SLC4A7: variants seen among roughly 807,000 people sequenced by gnomAD.
SLC4A7 encodes the protein solute carrier family 4 member 7.
A neutral mutation model predicts 137.6 loss-of-function variants in SLC4A7; 51 were observed. That is an observed-to-expected ratio of 0.37 (90% CI 0.30 to 0.47). The LOEUF is 0.47. Ranked by LOEUF, SLC4A7 falls within the 20% of genes least tolerant of loss-of-function variation. The probability of loss-of-function intolerance (pLI) is 1.00; values close to 1 mark genes in which losing one functional copy is unlikely to be tolerated. For missense variants in SLC4A7, 1,247 were observed against 1,525.4 expected (o/e 0.82, Z 3.04); for synonymous variants, 542 against 518.6 (o/e 1.05, Z -0.61).
rs959669191 is a variant in SLC4A7 at position 27,443,757 on chromosome 3, A to C, written c.289+4894T>G. On this transcript the variant is annotated intron_variant, in intron 3 of 25. Transcript: ENST00000454389. Reference sequence around the variant, plus strand: ...TCCTGTACATACCAGAACTGTCCTTACTTGGCAAAAATCTGTCTTGGTTAC... The same window carrying C: ...TCCTGTACATACCAGAACTGTCCTTCCTTGGCAAAAATCTGTCTTGGTTAC... Among the ~76,000 whole-genome samples the C allele has an allele frequency of 2.0e-5, 3 of 152,142 alleles. No individual in the cohort carries two copies. The South Asian group carries it at 6.2e-4, about 31-fold the overall frequency.
chr3:27,434,022 T>C lies in SLC4A7; in HGVS notation c.672A>G (p.Arg224=). Residue 224 remains arginine, a synonymous_variant, in exon 6 of 26, where the codon AGA becomes AGG. Coordinates refer to ENST00000454389, the MANE Select transcript of SLC4A7 (RefSeq NM_001321103.2). ...ATCTTTTCTCATTCTGATGATGATGTCTCTTCAGAAGAGCTTCTCTGACAT... is the reference window on the plus strand; with the variant it reads ...ATCTTTTCTCATTCTGATGATGATGCCTCTTCAGAAGAGCTTCTCTGACAT... ...RENVREALLK[R]HHHQNEKRFT... 1 of 1,613,094 alleles carries C rather than the reference T, an allele frequency of 6.2e-7. No individual in the cohort carries two copies. Among genetic ancestry groups the C allele is most frequent in the Non-Finnish European group, 8.5e-7 (1 of 1,179,166 alleles).
At chr3:27,401,393 G>A (rs1301022684) in intron 15 of SLC4A7, among the ~76,000 whole-genome samples, 3 of 152,176 alleles carry the variant, frequency 2.0e-5, no homozygotes, top group Non-Finnish European at 4.4e-5. Flanking sequence ...GAGTCATAAG[G>A]AAATCAGAGT....
intron 22 of SLC4A7, among the ~76,000 whole-genome samples, chr3:27,387,557 GA>G (rs1416211635): frequency 2.6e-5 from 4 of 152,064 alleles, no homozygotes; most frequent in Non-Finnish European, 4.4e-5. Context: ...CGATTTTTCA[GA>G]AAACTGCAAG....
In SLC4A7 at chr3:27,418,649, T is replaced by C. The variant is rs1179594030; in HGVS notation, c.1513-17A>G. Reference sequence around the variant, plus strand: ...ATGGAAAATCTAAGTGAAAAAAATATTGAGTAAAAGATTTTAAAGTTGAAA... The same window carrying C: ...ATGGAAAATCTAAGTGAAAAAAATACTGAGTAAAAGATTTTAAAGTTGAAA... On this transcript the variant is annotated splice_polypyrimidine_tract_variant and intron_variant, in intron 10 of 25. Coordinates refer to ENST00000454389, the MANE Select transcript of SLC4A7 (RefSeq NM_001321103.2). The C allele has an allele frequency of 1.3e-6, 2 of 1,520,738 alleles. No homozygotes were observed. Among genetic ancestry groups the C allele is most frequent in the South Asian group, 1.2e-5 (1 of 84,846 alleles). The allele number at this position is 1,520,738 out of a possible 1,614,324, so 94.2% of individuals were successfully genotyped here.
chr3:27,391,711 T>A (rs776021268), intron 21 of SLC4A7, 29 bp downstream of exon 21: 2 of 1,254,134 alleles, frequency 1.6e-6, no homozygotes, highest in African/African-American at 1.5e-5. Context: ...CAAGTTTCTA[T>A]AGAAAATCAT....
intron 1 of SLC4A7, among the ~76,000 whole-genome samples, chr3:27,473,421 T>C (rs1261058362): frequency 6.6e-6 from 1 of 152,014 alleles, no homozygotes; most frequent in Non-Finnish European, 1.5e-5. Context: ...ATCACATTTT[T>C]GTAAAATAGA....
At chr3:27,462,098 G>A (rs771982397) in intron 1 of SLC4A7, among the ~76,000 whole-genome samples, 4 of 152,032 alleles carry the variant, frequency 2.6e-5, no homozygotes, top group African/African-American at 4.8e-5. Flanking sequence ...TTAATGGACC[G>A]TACATGAGAT....
chr3:27,474,165 CT>C (rs2059371453), intron 1 of SLC4A7, among the ~76,000 whole-genome samples: 1 of 152,070 alleles, frequency 6.6e-6, no homozygotes, highest in South Asian at 2.1e-4. Context: ...CAGAATTAAG[CT>C]ATCTACAACA....
rs768293108 is a variant in SLC4A7 at position 27,411,669 on chromosome 3, G to A, written c.1739C>T (p.Ala580Val). The change falls in exon 12 of 26, where the codon GCT (alanine) becomes GTT (valine). Residue 580 changes from alanine to valine, a missense_variant. By Grantham distance (64) the Ala-to-Val change is moderately conservative (BLOSUM62 0). Coordinates refer to ENST00000454389, the MANE Select transcript of SLC4A7 (RefSeq NM_001321103.2). The part of the protein sequence containing the change: ...GETPKEAAHH[A>V]GPELQRTGRL... ...TCCAGTCCTCTGTAGCTCAGGCCCA[G>A]CATGATGAGCGGCCTCTTTAGGAGT... is the stretch of plus-strand genomic sequence containing the variant. The A allele has an allele frequency of 6.4e-7, 1 of 1,562,220 alleles. No individual in the cohort carries two copies. Among genetic ancestry groups the A allele is most frequent in the Non-Finnish European group, 8.7e-7 (1 of 1,150,534 alleles).
rs1183269666 is a variant in SLC4A7, at chr3:27,456,579, TC to T, written c.61-4082del. On this transcript the variant is annotated intron_variant, in intron 1 of 25. Coordinates refer to ENST00000454389, the MANE Select transcript of SLC4A7 (RefSeq NM_001321103.2). Reference sequence around the variant, plus strand: ...CAGTGCTAATAAGCCTGACATTTCTTCAAGCTTCACTATTAAACTCTGATTC... The same window carrying T: ...CAGTGCTAATAAGCCTGACATTTCTTAAGCTTCACTATTAAACTCTGATTC... 23 of 1,064,140 alleles carry T rather than the reference TC, an allele frequency of 2.2e-5. No individual in the cohort carries two copies. The African/African-American group carries it at 3.4e-4, about 16-fold the overall frequency. The allele number at this position is 1,064,140 out of a possible 1,614,324, so 65.9% of individuals were successfully genotyped here.
chr3:27,431,649 G>A lies in SLC4A7; in HGVS notation c.799C>T (p.Arg267Cys), dbSNP rs369043562. The part of the protein sequence containing the change: ...ERNGEGLSAS[R>C]HSLRTGLSAS... Reference sequence around the variant, plus strand: ...GACAGACCTGTTCGCAAAGAGTGGCGGGAGGCTGAAAGGCCTTCCCCTGAG... The same window carrying A: ...GACAGACCTGTTCGCAAAGAGTGGCAGGAGGCTGAAAGGCCTTCCCCTGAG... Residue 267 changes from arginine to cysteine, a missense_variant, in exon 7 of 26, where the codon CGC (arginine) becomes TGC (cysteine). Physicochemically the swap from Arg to Cys is radical, Grantham distance 180 (BLOSUM62 -3). This residue lies in a region of SLC4A7 where 223 missense variants were observed against 203.6 expected (regional missense o/e 1.10). Coordinates refer to ENST00000454389, the MANE Select transcript of SLC4A7 (RefSeq NM_001321103.2). The A allele has an allele frequency of 2.7e-5, 43 of 1,581,746 alleles. No homozygotes were observed. The highest frequency in any genetic ancestry group is 2.3e-4 in the East Asian group (10 of 44,362).
At chr3:27,423,993 C>T (rs1372994143) in intron 8 of SLC4A7, 44 bp downstream of exon 8, 5 of 1,140,326 alleles carry the variant, frequency 4.4e-6, no homozygotes, top group East Asian at 4.8e-5. Context: ...CTTATTTCCT[C>T]AGTAAGAATA....
intron 24 of SLC4A7, among the ~76,000 whole-genome samples, chr3:27,380,125 A>ACG: frequency 1.3e-5 from 2 of 152,184 alleles, no homozygotes; most frequent in Middle Eastern, 6.8e-3. Context: ...TGGCCAACCT[A>ACG]GTGAAACCCC....
intron 1 of SLC4A7, among the ~76,000 whole-genome samples, chr3:27,453,358 T>C (rs1036822277): frequency 2.0e-5 from 3 of 152,264 alleles, no homozygotes; most frequent in African/African-American, 7.2e-5. Context: ...CTCACGCCTA[T>C]AATTGGATCA....
At chr3:27,417,257 G>A (rs2054482349) in intron 11 of SLC4A7, among the ~76,000 whole-genome samples, 1 of 152,080 alleles carries the variant, frequency 6.6e-6, no homozygotes, top group Non-Finnish European at 1.5e-5. Context: ...TGAACAGGGA[G>A]AACCAGGCAG....
chr3:27,461,992 A>C (rs2058727248), intron 1 of SLC4A7, among the ~76,000 whole-genome samples: 1 of 152,100 alleles, frequency 6.6e-6, no homozygotes, highest in African/African-American at 2.4e-5. Flanking sequence ...TAATTCCCTT[A>C]CGTAAAAATA....
intron 22 of SLC4A7, 36 bp from the exon 23 acceptor site, chr3:27,386,059 A>G (rs1264268024): frequency 2.0e-6 from 3 of 1,517,882 alleles, no homozygotes; most frequent in East Asian, 2.3e-5. Context: ...TAAGTAACAC[A>G]TAATACAAAC....
chr3:27,433,877 G>C (rs757074181), intron 6 of SLC4A7, 39 bp downstream of exon 6: 1 of 1,562,750 alleles, frequency 6.4e-7, no homozygotes, highest in South Asian at 1.1e-5. Flanking sequence ...TGTTACAGTA[G>C]AAGTGTTAGC....
Position 27,403,256 on chromosome 3 carries a change from GC to G in SLC4A7, c.2203del (p.Ala735LeufsTer21). 1 of 1,614,016 alleles carries G rather than the reference GC, an allele frequency of 6.2e-7. No individual in the cohort carries two copies. The highest frequency in any genetic ancestry group is 8.5e-7 in the Non-Finnish European group (1 of 1,179,956). On this transcript the variant is annotated frameshift_variant, in exon 15 of 26. Coordinates refer to ENST00000454389, the MANE Select transcript of SLC4A7 (RefSeq NM_001321103.2). LOFTEE classifies it high-confidence loss of function. ...TATGATGCAAATAAGGGCTGCAAAAGCCTCTTCTGTAAATCGAGTAATATAA... is the reference window on the plus strand; with the variant it reads ...TATGATGCAAATAAGGGCTGCAAAAGCTCTTCTGTAAATCGAGTAATATAA... ...VCYITRFTEEAFAALICIIFI... is the reference protein window; with the variant it reads ...VCYITRFTEEXFAALICIIFI...
Sources: allele counts gnomAD v4.1 joint callset (sites outside exome capture counted in the v4.1 genomes callset), GRCh38; gene constraint gnomAD v4.1.1; regional missense constraint gnomAD v4.1.1; transcripts MANE v1.5; gene names NCBI Gene and HGNC (gene_info 2026-07-23, HGNC 2026-07-21).